Variants in AEBP2 observed in about 807,000 individuals in gnomAD.
AEBP2 encodes the protein AE binding protein 2.
Under a neutral mutation model 50.8 loss-of-function variants are expected in AEBP2, and 10 were observed. The ratio of observed to expected loss-of-function variants is 0.20; its 90% CI spans 0.12 to 0.33. The LOEUF (loss-of-function observed/expected upper bound fraction) is 0.33. Ranked by LOEUF, AEBP2 falls within the 10% of genes least tolerant of loss-of-function variation. The pLI, the probability that AEBP2 is intolerant of heterozygous loss-of-function variation, is 1.00. For synonymous variants in AEBP2, 296 were observed against 261.3 expected (o/e 1.13, Z -1.28); for missense variants, 570 against 688.0 (o/e 0.83, Z 1.92).
intron 7 of AEBP2, among the ~76,000 whole-genome samples, chr12:19,516,689 A>T (rs1375872029): frequency 6.6e-6 from 1 of 152,114 alleles, no homozygotes; most frequent in Non-Finnish European, 1.5e-5. Context: ...TTCTTAAGAT[A>T]TATTAGGTGC....
At chr12:19,456,494 A>T in intron 1 of AEBP2, 1 of 1,500,032 alleles carries the variant, frequency 6.7e-7, no homozygotes, top group South Asian at 1.1e-5. Context: ...CAACATGGCG[A>T]TCCATCTTTT....
chr12:19,475,699 A>G (rs1326118627), intron 3 of AEBP2, among the ~76,000 whole-genome samples: 1 of 152,132 alleles, frequency 6.6e-6, no homozygotes, highest in African/African-American at 2.4e-5. Context: ...GTTGTATTAT[A>G]TTCTCACCAG....
chr12:19,509,690 T>C (rs1197735637), intron 5 of AEBP2, among the ~76,000 whole-genome samples: 2 of 152,092 alleles, frequency 1.3e-5, no homozygotes, highest in African/African-American at 4.8e-5. Context: ...GAGGTTGCAG[T>C]GAGCTGAGAT....
chr12:19,424,602 T>G (rs2095747573), intron 1 of AEBP2, among the ~76,000 whole-genome samples: 1 of 151,034 alleles, frequency 6.6e-6, no homozygotes. Flanking sequence ...TTCACCCTGT[T>G]AGCCAGGATG....
intron 1 of AEBP2, chr12:19,457,623 T>C: frequency 6.9e-7 from 1 of 1,447,592 alleles, no homozygotes; most frequent in Non-Finnish European, 9.1e-7. Flanking sequence ...GACGACAATG[T>C]GGATATGAGT....
intron 1 of AEBP2, among the ~76,000 whole-genome samples, chr12:19,434,222 G>A (rs2095753083): frequency 6.7e-6 from 1 of 148,976 alleles, no homozygotes; most frequent in Admixed American, 6.7e-5. Context: ...TGCCCAGGCT[G>A]GAGTGCAATG....
intron 5 of AEBP2, 87 bp from the exon 6 acceptor site, chr12:19,512,311 C>A: frequency 3.4e-6 from 3 of 884,660 alleles, no homozygotes; most frequent in Non-Finnish European, 5.1e-6. Context: ...TGAGCCATCG[C>A]GCCCAGCCCC....
At position 19,520,393 on chromosome 12, in the gene AEBP2, A is replaced by G. The variant is rs369266930; in HGVS notation, c.*2276A>G. 3.3e-5 allele frequency: 5 copies of G among 152,348 alleles called. No homozygotes were observed. In the East Asian group the frequency reaches 5.8e-4, roughly 18 times the overall value. 9.4% of individuals were successfully genotyped at this position (152,348 alleles called of 1,614,324 possible). On this transcript the variant is annotated 3_prime_UTR_variant, in exon 8 of 8. Transcript: ENST00000266508. Reference sequence around the variant, plus strand: ...TTGATTAACTTCTGAGTACTCAATCAATCATAATCCTTTTGCTGCTTATCT... The same window carrying G: ...TTGATTAACTTCTGAGTACTCAATCGATCATAATCCTTTTGCTGCTTATCT...
Position 19,410,604 on chromosome 12 carries a change from T to C in AEBP2, c.-17+6388T>C, listed in dbSNP as rs560891213. 8.5e-5 allele frequency among the ~76,000 whole-genome samples: 13 copies of C among 152,322 alleles called. No homozygotes were observed. In the East Asian group the frequency reaches 2.3e-3, roughly 27 times the overall value. On this transcript the variant is annotated intron_variant, in intron 1 of 3. Coordinates refer to the AEBP2 transcript ENST00000538425. ...TCTCCCCTGTTTCGTGACCTTCATC[T>C]ACCCCCTTCCCCAACCAAAAGATTT...
chr12:19,416,217 T>C (rs1388508240), intron 1 of AEBP2, among the ~76,000 whole-genome samples: 4 of 152,122 alleles, frequency 2.6e-5, no homozygotes, highest in African/African-American at 7.2e-5. Context: ...AACCCAACTT[T>C]GGTTACTTGT....
chr12:19,453,673 C>T (rs1948208126), intron 1 of AEBP2, among the ~76,000 whole-genome samples: 5 of 152,164 alleles, frequency 3.3e-5, no homozygotes, highest in Admixed American at 3.3e-4. Context: ...ATCCACCCGC[C>T]TTGGCCTCCC....
At chr12:19,484,310 G>C (rs1298818399) in intron 3 of AEBP2, among the ~76,000 whole-genome samples, 1 of 129,086 alleles carries the variant, frequency 7.7e-6, no homozygotes, top group Admixed American at 9.1e-5. Flanking sequence ...TCACTACATT[G>C]GCCAGGCTGG....
intron 4 of AEBP2, among the ~76,000 whole-genome samples, chr12:19,496,498 T>G (rs894975623): frequency 2.0e-5 from 3 of 152,224 alleles, no homozygotes; most frequent in African/African-American, 4.8e-5. Context: ...TGCATTTCAC[T>G]CTTTCTTTAA....
chr12:19,501,043 A>G (rs1949065228), intron 5 of AEBP2, among the ~76,000 whole-genome samples: 1 of 152,172 alleles, frequency 6.6e-6, no homozygotes, highest in African/African-American at 2.4e-5. Flanking sequence ...GGCTGACAAA[A>G]TACAGGCCGG....
At chr12:19,417,273 C>T (rs574657451) in intron 1 of AEBP2, among the ~76,000 whole-genome samples, 8 of 152,138 alleles carry the variant, frequency 5.3e-5, no homozygotes, top group Admixed American at 2.0e-4. Context: ...TCTAAATACA[C>T]GCCGTACAAC....
chr12:19,504,020 G>A (rs184778800), intron 5 of AEBP2, among the ~76,000 whole-genome samples: 76 of 151,680 alleles, frequency 5.0e-4, no homozygotes, highest in African/African-American at 1.5e-3. Context: ...TAGAGGCAAG[G>A]TCTCACCATG....
rs1361619380 is a variant in AEBP2 at position 19,420,327 on chromosome 12, C to CA, written c.-17+16112dup. 3.0e-3 allele frequency among the ~76,000 whole-genome samples: 320 copies of CA among 108,444 alleles called. 3 individuals carry two copies. The highest frequency in any genetic ancestry group is 1.0e-2 in the African/African-American group (308 of 30,910). The allele number at this position is 108,444 out of a possible 152,430, so 71.1% of individuals were successfully genotyped here. On this transcript the variant is annotated intron_variant, in intron 1 of 3. Transcript: ENST00000538425. Reference sequence around the variant, plus strand: ...TACAGGCATGAGCCACTGTGCTGACCATTTTTTTTTTTTTTTTTTTTTTTG... The same window carrying CA: ...TACAGGCATGAGCCACTGTGCTGACCAATTTTTTTTTTTTTTTTTTTTTTTG...
chr12:19,426,862 C>T (rs1447958406), intron 1 of AEBP2, among the ~76,000 whole-genome samples: 2 of 152,102 alleles, frequency 1.3e-5, no homozygotes, highest in Non-Finnish European at 2.9e-5. Flanking sequence ...GATCATGCCA[C>T]TGCACTTCAG....
chr12:19,458,251 A>T (rs1948308528), intron 1 of AEBP2, among the ~76,000 whole-genome samples: 1 of 152,158 alleles, frequency 6.6e-6, no homozygotes. Context: ...GAGAGAATGG[A>T]GAGGACCACT....
Sources: allele counts gnomAD v4.1 joint callset (sites outside exome capture counted in the v4.1 genomes callset), GRCh38; gene constraint gnomAD v4.1.1; transcripts MANE v1.5; gene names NCBI Gene and HGNC (gene_info 2026-07-23, HGNC 2026-07-21).